The following SLC8B1 variants were observed in gnomAD, a reference collection of about 807,000 sequenced individuals.
SLC8B1 encodes solute carrier family 8 member B1.
A neutral mutation model predicts 63.4 loss-of-function variants in SLC8B1; 52 were observed. The observed-to-expected ratio is 0.82, with a 90% confidence interval of 0.66 to 1.03. SLC8B1 has a LOEUF of 1.03. SLC8B1 is among the 50% of genes least tolerant of loss of function. The probability of loss-of-function intolerance (pLI) is 0.00; values close to 1 mark genes in which losing one functional copy is unlikely to be tolerated. For missense variants in SLC8B1, 657 were observed against 741.7 expected, an observed-to-expected ratio of 0.89 and a Z score of 1.33; for synonymous variants, 336 against 323.9, an observed-to-expected ratio of 1.04 and a Z score of -0.40.
chr12:113,307,276 CTT>C (rs1199470009), intron 13 of SLC8B1, among the ~76,000 whole-genome samples: 1 of 152,074 alleles, frequency 6.6e-6, no homozygotes, highest in Non-Finnish European at 1.5e-5. Flanking sequence ...CCCTCATCCT[CTT>C]GTCTGGATGC....
At chr12:113,331,409 T>C (rs1341939141) in intron 2 of SLC8B1, among the ~76,000 whole-genome samples, 1 of 129,778 alleles carries the variant, frequency 7.7e-6, no homozygotes, top group South Asian at 2.4e-4. Flanking sequence ...AAAAAAAAAA[T>C]TGAGTCAGTG....
chr12:113,313,876 G>A (rs1169633924), intron 11 of SLC8B1, among the ~76,000 whole-genome samples: 1 of 152,148 alleles, frequency 6.6e-6, no homozygotes, highest in Non-Finnish European at 1.5e-5. Flanking sequence ...CAAGCATGGT[G>A]GCAGGTGCCT....
rs117666482 is a variant in SLC8B1, at chr12:113,328,187, C to T, written c.156+4536G>A. On this transcript the variant is annotated intron_variant, in intron 2 of 15. Coordinates refer to ENST00000680972, the MANE Select transcript of SLC8B1 (RefSeq NM_001358345.2). ...GCTGGCACCACAGGTGCGCATCACA[C>T]GAGGCTAATTTTTAAATTTTTTGTT... Among the ~76,000 whole-genome samples the T allele has an allele frequency of 1.9e-3, 288 of 152,112 alleles. 1 individual carries two copies. The highest frequency in any genetic ancestry group is 3.1e-3 in the Non-Finnish European group (208 of 67,978).
Position 113,307,110 on chromosome 12 carries a change from CAAAAAAAAAAAAAAAAAAAAAAAAA to C in SLC8B1, c.1411+556_1412-536del, listed in dbSNP as rs67032040. 4.9e-3 allele frequency among the ~76,000 whole-genome samples: 89 copies of C among 18,210 alleles called. 2 individuals are homozygous for C. The highest frequency in any genetic ancestry group is 2.4e-3 in the Admixed American group (2 of 838). 11.9% of individuals were successfully genotyped at this position (18,210 alleles called of 152,430 possible). On this transcript the variant is annotated intron_variant, in intron 13 of 15. Coordinates refer to ENST00000680972, the MANE Select transcript of SLC8B1 (RefSeq NM_001358345.2). ...TGGGCGACAGAGCAAGCCTCCATCT[CAAAAAAAAAAAAAAAAAAAAAAAAA>C]AAAAAAAAAAAAAAAACTACGGCTA...
At chr12:113,324,501 G>A (rs1956972891) in intron 2 of SLC8B1, among the ~76,000 whole-genome samples, 1 of 150,060 alleles carries the variant, frequency 6.7e-6, no homozygotes, top group Admixed American at 6.7e-5. Flanking sequence ...CCACCTCTCG[G>A]GTTCAACTGA....
intron 15 of SLC8B1, among the ~76,000 whole-genome samples, chr12:113,303,606 T>C (rs1956629806): frequency 6.6e-6 from 1 of 152,170 alleles, no homozygotes. Context: ...ATCTGCCTCA[T>C]ATGCACAGGG....
intron 15 of SLC8B1, among the ~76,000 whole-genome samples, chr12:113,301,887 G>A (rs189492501): frequency 4.1e-4 from 63 of 152,280 alleles, no homozygotes; most frequent in African/African-American, 1.4e-3. Flanking sequence ...GGAGGATGCC[G>A]CCTTCTGGGT....
chr12:113,304,444 C>T, intron 14 of SLC8B1, 59 bp from the exon 15 acceptor site: 1 of 1,481,474 alleles, frequency 6.8e-7, no homozygotes, highest in Non-Finnish European at 9.4e-7. Context: ...AACCACATAG[C>T]CCGTTCCTCC....
chr12:113,334,140 C>T (rs1957096508), intron 1 of SLC8B1, among the ~76,000 whole-genome samples: 1 of 152,308 alleles, frequency 6.6e-6, no homozygotes, highest in African/African-American at 2.4e-5. Context: ...TGGGGCCGGG[C>T]TGGTCACCAC....
intron 2 of SLC8B1, among the ~76,000 whole-genome samples, chr12:113,325,198 C>G (rs1376804964): frequency 1.3e-5 from 2 of 152,110 alleles, no homozygotes; most frequent in African/African-American, 4.8e-5. Flanking sequence ...CTATTAATAC[C>G]CAGTTTTCTG....
Position 113,320,447 on chromosome 12 carries a change from T to G in SLC8B1, c.578A>C (p.His193Pro), listed in dbSNP as rs1475704882. Residue 193 changes from histidine to proline, a missense_variant, in exon 7 of 16, where the codon CAC (histidine) becomes CCC (proline). By Grantham distance (77) the His-to-Pro change is moderately conservative. Coordinates refer to ENST00000680972, the MANE Select transcript of SLC8B1 (RefSeq NM_001358345.2). This position sits in a 1 kb window ranked among gnomAD's most constrained non-coding sequence, Gnocchi z 5.3. The stretch of plus-strand genomic sequence containing the variant: ...GGGCCTGGAGGCAGCCATGAAGGGG[T>G]GTAGGATGGTAATGCCTCCGGCCAC... ...TVVAGGITIL[H>P]PFMAASRPFF... is the part of the protein sequence containing the mutation. The G allele has an allele frequency of 3.7e-6, 6 of 1,613,352 alleles. No homozygotes were observed. Among genetic ancestry groups the G allele is most frequent in the African/African-American group, 2.7e-5 (2 of 74,626 alleles).
At chr12:113,311,581 A>G (rs1043839955) in intron 11 of SLC8B1, among the ~76,000 whole-genome samples, 5 of 151,730 alleles carry the variant, frequency 3.3e-5, no homozygotes, top group African/African-American at 7.3e-5. Flanking sequence ...AAATTGCATC[A>G]CTGTACTCCA....
At chr12:113,310,506 G>T in intron 11 of SLC8B1, 151 bp from the exon 12 acceptor site, 2 of 985,894 alleles carry the variant, frequency 2.0e-6, no homozygotes, top group South Asian at 2.5e-5. Flanking sequence ...TGCAGCCCCT[G>T]CCCTCAAGTT....
At chr12:113,332,692 C>T (rs753081762) in intron 2 of SLC8B1, 31 bp downstream of exon 2, 1 of 1,601,450 alleles carries the variant, frequency 6.2e-7, no homozygotes, top group Non-Finnish European at 8.5e-7. Flanking sequence ...CACAGCCCCA[C>T]TCAACCCCAG....
In SLC8B1 at chr12:113,317,016, C is replaced by A. The variant is rs761134091; in HGVS notation, c.803-15G>T. ...TGAGAGGATCTCTGCAGGAGAGAGGCCCAGTTACATACAGAACCCAGACCA... is the reference window on the plus strand; with the variant it reads ...TGAGAGGATCTCTGCAGGAGAGAGGACCAGTTACATACAGAACCCAGACCA... On this transcript the variant is annotated splice_polypyrimidine_tract_variant and intron_variant, in intron 8 of 15. Transcript: ENST00000680972. 11 of 1,609,948 alleles carry A rather than the reference C, an allele frequency of 6.8e-6. No individual in the cohort carries two copies. Among genetic ancestry groups the A allele is most frequent in the African/African-American group, 2.7e-5 (2 of 74,904 alleles).
chr12:113,316,431 C>A, intron 10 of SLC8B1, 95 bp downstream of exon 10: 1 of 1,485,950 alleles, frequency 6.7e-7, no homozygotes, highest in South Asian at 1.3e-5. Flanking sequence ...CTCAGTGGAC[C>A]CCAGGCCCTC....
intron 7 of SLC8B1, among the ~76,000 whole-genome samples, chr12:113,319,569 G>T (rs1211601298): frequency 3.3e-5 from 5 of 151,930 alleles, no homozygotes; most frequent in African/African-American, 1.2e-4. Flanking sequence ...CCCCTTCCCT[G>T]CCCCTGCTGC....
At chr12:113,313,027 T>A (rs1419481034) in intron 11 of SLC8B1, among the ~76,000 whole-genome samples, 1 of 152,018 alleles carries the variant, frequency 6.6e-6, no homozygotes, top group Non-Finnish European at 1.5e-5. Context: ...TGTCTTACCC[T>A]CCCAAGTACC....
Position 113,310,244 on chromosome 12 carries a change from C to G in SLC8B1, c.1247G>C (p.Arg416Thr). The change falls in exon 12 of 16, where the codon AGG (arginine) becomes ACG (threonine). Residue 416 changes from arginine (R) to threonine (T), a missense_variant. Arg to Thr is a moderately conservative substitution (Grantham distance 71). Transcript: ENST00000680972. The stretch of plus-strand genomic sequence containing the variant: ...ACCCGGGCTTCTTACCCAGTGAAGC[C>G]TGGGGGGCTGGCTGTCAGATGTGGC... ...FFATSDSQPP[R>T]LHWLFAFLGF... is the part of the protein sequence containing the mutation. 1 of 1,613,788 alleles carries G rather than the reference C, an allele frequency of 6.2e-7. No homozygotes were observed. Among genetic ancestry groups the G allele is most frequent in the Non-Finnish European group, 8.5e-7 (1 of 1,179,904 alleles).
Sources: allele counts gnomAD v4.1 joint callset (sites outside exome capture counted in the v4.1 genomes callset), GRCh38; gene constraint gnomAD v4.1.1; non-coding constraint Gnocchi (gnomAD v3.1); transcripts MANE v1.5; gene names NCBI Gene and HGNC (gene_info 2026-07-23, HGNC 2026-07-21).